The following STK38 variants were observed in gnomAD, a reference collection of about 807,000 sequenced individuals.
The protein encoded by STK38 is serine/threonine kinase 38, also known as serine/threonine-protein kinase 38.
A neutral mutation model predicts 59.0 loss-of-function variants in STK38; 26 were observed. That is an observed-to-expected ratio of 0.44 (90% CI 0.32 to 0.61). STK38 has a LOEUF of 0.61. STK38 is among the 20% of genes least tolerant of loss of function. The pLI, the probability that STK38 is intolerant of heterozygous loss-of-function variation, is 0.04. For synonymous variants in STK38, 175 were observed against 176.6 expected (o/e 0.99, Z 0.07); for missense variants, 433 against 566.0 (o/e 0.76, Z 2.38).
At chr6:36,542,807 G>A (rs1178361213) in intron 1 of STK38, among the ~76,000 whole-genome samples, 1 of 151,434 alleles carries the variant, frequency 6.6e-6, no homozygotes, top group Admixed American at 6.6e-5. Context: ...TTAGCTGTGC[G>A]TGGTGGCAGG....
chr6:36,534,441 G>A (rs1193185137), intron 2 of STK38, among the ~76,000 whole-genome samples: 1 of 152,046 alleles, frequency 6.6e-6, no homozygotes, highest in Non-Finnish European at 1.5e-5. Flanking sequence ...CTGAGGCCAA[G>A]AGTTCAAGAT....
intron 9 of STK38, among the ~76,000 whole-genome samples, chr6:36,504,033 T>C (rs555456579): frequency 6.6e-6 from 1 of 152,356 alleles, no homozygotes; most frequent in Non-Finnish European, 1.5e-5. Context: ...AATTGCTATC[T>C]GGAATAGCTC....
At chr6:36,538,219 G>T (rs111784100) in intron 2 of STK38, among the ~76,000 whole-genome samples, 105 of 151,814 alleles carry the variant, frequency 6.9e-4, no homozygotes, top group Non-Finnish European at 1.0e-3. Context: ...TGGGAGAATG[G>T]CGTGAACCTG....
chr6:36,545,012 G>A (rs1023200192), intron 1 of STK38, among the ~76,000 whole-genome samples: 14 of 152,014 alleles, frequency 9.2e-5, no homozygotes, highest in Admixed American at 2.0e-4. Context: ...AAAGATGGCC[G>A]GACACGGTGG....
intron 9 of STK38, among the ~76,000 whole-genome samples, chr6:36,500,677 T>C (rs1401714093): frequency 6.7e-6 from 1 of 150,370 alleles, no homozygotes; most frequent in African/African-American, 2.5e-5. Context: ...GGAGAATCGC[T>C]TGAACCCGGG....
At chr6:36,499,540 G>A (rs1159441906) in intron 10 of STK38, among the ~76,000 whole-genome samples, 1 of 152,184 alleles carries the variant, frequency 6.6e-6, no homozygotes, top group Non-Finnish European at 1.5e-5. Context: ...GGCAAATTAG[G>A]AAAGTGAGGC....
chr6:36,511,825 G>A (rs1468283267), intron 7 of STK38, among the ~76,000 whole-genome samples: 5 of 151,874 alleles, frequency 3.3e-5, no homozygotes, highest in African/African-American at 7.3e-5. Flanking sequence ...TTGGGAGGCC[G>A]AGGCAGGTGG....
chr6:36,529,795 C>A (rs757879053), intron 2 of STK38, among the ~76,000 whole-genome samples: 1 of 152,212 alleles, frequency 6.6e-6, no homozygotes, highest in Non-Finnish European at 1.5e-5. Flanking sequence ...CTACTACTTA[C>A]AATTAGCCCC....
chr6:36,535,379 G>A (rs1777764389), intron 2 of STK38, among the ~76,000 whole-genome samples: 1 of 151,850 alleles, frequency 6.6e-6, no homozygotes, highest in Non-Finnish European at 1.5e-5. Flanking sequence ...AACATGGGAG[G>A]CGGAGGTTGT....
At position 36,495,417 on chromosome 6, in the gene STK38, G is replaced by GGTC; in HGVS notation, c.*366_*367insGAC. ...AGCGTGTCACAAAATTACAGGAACT[G>GGTC]GCTGATATTCGATGACTATACACGA... On this transcript the variant is annotated 3_prime_UTR_variant, in exon 14 of 14. Transcript: ENST00000229812. 4 of 184,982 alleles carry GGTC rather than the reference G, an allele frequency of 2.2e-5. No individual in the cohort carries two copies. Among genetic ancestry groups the GGTC allele is most frequent in the Admixed American group, 5.6e-5 (1 of 17,880 alleles). The allele number at this position is 184,982 out of a possible 1,614,324, so 11.5% of individuals were successfully genotyped here.
At position 36,497,843 on chromosome 6, in the gene STK38, GCTC is replaced by G; in HGVS notation, c.1106_1108del (p.Gly369del). The G allele has an allele frequency of 1.2e-6, 2 of 1,613,760 alleles. No homozygotes were observed. The highest frequency in any genetic ancestry group is 1.7e-6 in the Non-Finnish European group (2 of 1,179,964). On this transcript the variant is annotated inframe_deletion, in exon 12 of 14. Transcript: ENST00000229812. The stretch of plus-strand genomic sequence containing the variant: ...ACTTTTTATTTCCTCAACTCCAGGA[GCTC>G]CAATTCTATGTTCCCATTCACAGCA...
chr6:36,541,697 T>C (rs1016142737), intron 1 of STK38, among the ~76,000 whole-genome samples: 38 of 152,206 alleles, frequency 2.5e-4, no homozygotes, highest in Non-Finnish European at 4.6e-4. Context: ...CGATCTCAAT[T>C]TTCTTTATGT....
chr6:36,495,936 G>A (rs1316949201), intron 13 of STK38, 22 bp from the exon 14 acceptor site: 1 of 1,612,624 alleles, frequency 6.2e-7, no homozygotes, highest in Non-Finnish European at 8.5e-7. Flanking sequence ...ATAGATGTGA[G>A]AGTTGATTCA....
At chr6:36,541,809 C>A (rs1382381980) in intron 1 of STK38, among the ~76,000 whole-genome samples, 2 of 149,292 alleles carry the variant, frequency 1.3e-5, no homozygotes, top group East Asian at 2.0e-4. Context: ...CTTGCTTGTG[C>A]TTTTTCCATG....
Position 36,494,687 on chromosome 6 carries a change from T to G in STK38, c.*1097A>C, listed in dbSNP as rs116829549. 0.027 allele frequency: 4,148 copies of G among 152,594 alleles called. 196 individuals are homozygous for G. Among genetic ancestry groups the G allele is most frequent in the African/African-American group, 0.093 (3,835 of 41,456 alleles). 9.5% of individuals were successfully genotyped at this position (152,594 alleles called of 1,614,324 possible). A position where few individuals can be genotyped will look rare whatever the true frequency, so the allele number is the denominator to read the frequency against. ...TGATTCCAAGGCAAAATGGCTAAAGTTGGGAGAGAAGAAATACCAAGAGAG... is the reference window on the plus strand; with the variant it reads ...TGATTCCAAGGCAAAATGGCTAAAGGTGGGAGAGAAGAAATACCAAGAGAG... On this transcript the variant is annotated 3_prime_UTR_variant, in exon 14 of 14. Transcript: ENST00000229812.
At chr6:36,508,862 C>T (rs1582415975) in intron 7 of STK38, among the ~76,000 whole-genome samples, 1 of 152,366 alleles carries the variant, frequency 6.6e-6, no homozygotes, top group East Asian at 1.9e-4. Context: ...TGGCTCCATG[C>T]AAGCCTGCAG....
intron 2 of STK38, among the ~76,000 whole-genome samples, chr6:36,528,319 G>C (rs1777583264): frequency 6.6e-6 from 1 of 152,162 alleles, no homozygotes; most frequent in African/African-American, 2.4e-5. Context: ...TGATGGACTG[G>C]CAGGGAAAGC....
At chr6:36,526,223 T>G (rs1311581975) in intron 2 of STK38, among the ~76,000 whole-genome samples, 2 of 58,368 alleles carry the variant, frequency 3.4e-5, no homozygotes, top group Non-Finnish European at 5.7e-5. Flanking sequence ...TTTGGGTGTT[T>G]TTTTTTTTTT....
At chr6:36,496,489 T>TAC (rs1561969579) in intron 13 of STK38, among the ~76,000 whole-genome samples, 3 of 152,224 alleles carry the variant, frequency 2.0e-5, no homozygotes, top group African/African-American at 7.2e-5. Flanking sequence ...TTTTGTGACT[T>TAC]ACTCACCCAG....
Sources: gnomAD v4.1 joint callset for allele counts (sites outside exome capture counted in the v4.1 genomes callset) on GRCh38, gnomAD v4.1.1 for gene constraint, MANE v1.5 for transcripts, NCBI Gene and HGNC (gene_info 2026-07-23, HGNC 2026-07-21) for gene names.